DST: variants seen among roughly 807,000 people sequenced by gnomAD.
The protein encoded by DST is bullous pemphigoid antigen.
Under a neutral mutation model 875.2 loss-of-function variants are expected in DST, and 253 were observed. The observed-to-expected ratio is 0.29, with a 90% CI of 0.26 to 0.32. The LOEUF is 0.32. Among genes scored for constraint, DST ranks in the 10% least tolerant of loss-of-function variants. DST has a pLI of 1.00. For synonymous variants in DST, 3,124 were observed against 3,197.1 expected, an observed-to-expected ratio of 0.98 and a Z score of 0.77; for missense variants, 8,287 against 9,111.6, an observed-to-expected ratio of 0.91 and a Z score of 3.68.
chr6:56,706,828 C>T (rs141951744), intron 5 of DST, among the ~76,000 whole-genome samples: 70 of 152,182 alleles, frequency 4.6e-4, no homozygotes, highest in African/African-American at 1.7e-3. Flanking sequence ...TGGCAAAACC[C>T]ATCTCTACTA....
intron 69 of DST, among the ~76,000 whole-genome samples, chr6:56,521,800 A>C (rs4499917): frequency 0.74 from 112,016 of 151,670 alleles, 41,546 homozygotes; most frequent in East Asian, 0.8. Context: ...TTCTAATGGA[A>C]CATAAACATG....
At chr6:56,779,070 A>G (rs1211209396) in intron 4 of DST, among the ~76,000 whole-genome samples, 6 of 151,922 alleles carry the variant, frequency 3.9e-5, no homozygotes, top group Non-Finnish European at 7.4e-5. Context: ...TTTAATGATC[A>G]CCATTCTAAC....
At chr6:56,734,534 T>C (rs1314880155) in intron 5 of DST, among the ~76,000 whole-genome samples, 1 of 152,194 alleles carries the variant, frequency 6.6e-6, no homozygotes, top group Non-Finnish European at 1.5e-5. Context: ...AAAGGGGAAG[T>C]GACCAATAGT....
chr6:56,581,646 G>C (rs2152648513), intron 49 of DST, among the ~76,000 whole-genome samples: 1 of 152,280 alleles, frequency 6.6e-6, no homozygotes, highest in East Asian at 1.9e-4. Context: ...GGGCTGCCTG[G>C]CCACACAGGC....
At chr6:56,620,044 A>G (rs1230175561) in intron 36 of DST, 1 of 1,613,742 alleles carries the variant, frequency 6.2e-7, no homozygotes, top group South Asian at 1.1e-5. Flanking sequence ...CATTTTCTCT[A>G]CATGTATACT....
chr6:56,494,035 A>G lies in DST; in HGVS notation c.20369T>C (p.Val6790Ala), dbSNP rs1442705685. The G allele has an allele frequency of 1.3e-6, 2 of 1,599,842 alleles. No homozygotes were observed. Among genetic ancestry groups the G allele is most frequent in the Non-Finnish European group, 1.7e-6 (2 of 1,171,796 alleles). ...TTTCCTTTCATTGAGTTTGGTTTCC[A>G]CCGATTCCCATTTTTCTTTCAAGTT... ...INNLKEKWES[V>A]ETKLNERKTK... Residue 6790 changes from valine (V) to alanine (A), a missense_variant, in exon 83 of 104, where the codon GTG becomes GCG. By Grantham distance (64) the Val-to-Ala change is moderately conservative. This residue lies in a region of DST where 1,292 missense variants were observed against 1,552.7 expected (regional missense o/e 0.83). Coordinates refer to ENST00000680361, the MANE Select transcript of DST (RefSeq NM_001374736.1).
chr6:56,476,614 G>A (rs1033505560), intron 91 of DST, among the ~76,000 whole-genome samples: 1 of 152,160 alleles, frequency 6.6e-6, no homozygotes, highest in East Asian at 1.9e-4. Context: ...TGCATTCTCT[G>A]AAGGATCAGG....
chr6:56,474,513 A>G (rs913877570), intron 92 of DST, among the ~76,000 whole-genome samples: 3 of 152,068 alleles, frequency 2.0e-5, no homozygotes, highest in African/African-American at 7.2e-5. Context: ...AAATAAATAA[A>G]ATGTTAATGC....
intron 7 of DST, 52 bp downstream of exon 7, chr6:56,703,596 G>T: frequency 1.4e-6 from 1 of 715,808 alleles, no homozygotes; most frequent in Non-Finnish European, 1.7e-6. Context: ...TCAGGTTAGC[G>T]CTCACCGCAT....
chr6:56,885,324 G>T (rs1365858317), intron 3 of DST, among the ~76,000 whole-genome samples: 3 of 152,106 alleles, frequency 2.0e-5, no homozygotes, highest in East Asian at 1.9e-4. Flanking sequence ...CATGTGCCAG[G>T]GTTCAATATT....
intron 4 of DST, among the ~76,000 whole-genome samples, chr6:56,794,268 A>G (rs2099736031): frequency 6.6e-6 from 1 of 152,050 alleles, no homozygotes; most frequent in African/African-American, 2.4e-5. Flanking sequence ...CCATCTCTTT[A>G]TTTTTCATTT....
chr6:56,501,331 TA>T lies in DST; in HGVS notation c.19741-97del, dbSNP rs558671366. ...ACAAAAATAATTGTTTCATGTTGTA[TA>T]AGTCCATAAACGTATCCAGTGAAGC... On this transcript the variant is annotated intron_variant, in intron 79 of 103. Transcript: ENST00000680361. 104 of 1,358,122 alleles carry T rather than the reference TA, an allele frequency of 7.7e-5. No homozygotes were observed. In the South Asian group the frequency reaches 1.3e-3, roughly 17 times the overall value. The allele number at this position is 1,358,122 out of a possible 1,614,324, so 84.1% of individuals were successfully genotyped here.
At chr6:56,610,379 C>A in intron 39 of DST, 48 bp downstream of exon 39, 1 of 1,420,520 alleles carries the variant, frequency 7.0e-7, no homozygotes, top group African/African-American at 1.5e-5. Flanking sequence ...GCCATGCAAT[C>A]AAACTAAGCT....
intron 64 of DST, 31 bp from the exon 65 acceptor site, chr6:56,530,164 T>C: frequency 6.7e-7 from 1 of 1,502,824 alleles, no homozygotes; most frequent in East Asian, 2.3e-5. Flanking sequence ...CATTTAGGGA[T>C]GAAGAATGTG....
intron 3 of DST, chr6:56,871,226 A>G: frequency 1.3e-6 from 1 of 768,918 alleles, no homozygotes. Flanking sequence ...AGAACCACAC[A>G]AAGTCATGCA....
chr6:56,683,772 A>T (rs2099167847), intron 9 of DST, among the ~76,000 whole-genome samples: 2 of 152,234 alleles, frequency 1.3e-5, no homozygotes, highest in South Asian at 4.1e-4. Flanking sequence ...AAAGGTTTCC[A>T]ATTAACCTCA....
chr6:56,464,067 T>G, intron 100 of DST: 1 of 437,084 alleles, frequency 2.3e-6, no homozygotes, highest in Non-Finnish European at 4.3e-6. Flanking sequence ...GGAAAGCTCA[T>G]GCTAAAATAT....
chr6:56,567,897 C>A (rs1189002626), intron 55 of DST, among the ~76,000 whole-genome samples: 1 of 152,208 alleles, frequency 6.6e-6, no homozygotes, highest in Non-Finnish European at 1.5e-5. Flanking sequence ...AATATTTACA[C>A]ATGAATCTCC....
Position 56,645,666 on chromosome 6 carries a change from C to T in DST, c.1778+200G>A, listed in dbSNP as rs7760094. Among the ~76,000 whole-genome samples the T allele has an allele frequency of 9.6e-3, 1,458 of 152,226 alleles. 23 individuals carry two copies. Among genetic ancestry groups the T allele is most frequent in the African/African-American group, 0.033 (1,379 of 41,544 alleles). ...ACTTCACATACCAATCCAGCCTAGC[C>T]GGTCATTTATATACATTACTTCACT... On this transcript the variant is annotated intron_variant, in intron 15 of 103. Transcript: ENST00000680361.
Sources: allele counts gnomAD v4.1 joint callset (sites outside exome capture counted in the v4.1 genomes callset), GRCh38; gene constraint gnomAD v4.1.1; regional missense constraint gnomAD v4.1.1; transcripts MANE v1.5; gene names NCBI Gene and HGNC (gene_info 2026-07-23, HGNC 2026-07-21).